MACROD2: variants seen among roughly 807,000 people sequenced by gnomAD.
MACROD2 encodes mono-ADP ribosylhydrolase 2.
Under a neutral mutation model 70.4 loss-of-function variants are expected in MACROD2, and 36 were observed. That is an observed-to-expected ratio of 0.51 (90% CI 0.39 to 0.68). The LOEUF is 0.68. Among genes scored for constraint, MACROD2 ranks in the 30% least tolerant of loss-of-function variants. MACROD2 has a pLI of 0.00. For synonymous variants in MACROD2, 172 were observed against 178.8 expected (o/e 0.96, Z 0.30); for missense variants, 496 against 538.4 (o/e 0.92, Z 0.78).
intron 5 of MACROD2, among the ~76,000 whole-genome samples, chr20:14,966,360 G>A (rs931420049): frequency 7.2e-5 from 11 of 152,172 alleles, no homozygotes; most frequent in Admixed American, 5.2e-4. Context: ...GGGAGCGTTT[G>A]AGCCCAGGAG....
chr20:14,532,761 T>C (rs1452740204), intron 4 of MACROD2, among the ~76,000 whole-genome samples: 1 of 152,234 alleles, frequency 6.6e-6, no homozygotes, highest in Non-Finnish European at 1.5e-5. Context: ...TCTGCTTTAA[T>C]TTACTACATA....
chr20:15,479,718 C>T (rs1481764383), intron 7 of MACROD2, among the ~76,000 whole-genome samples: 2 of 152,142 alleles, frequency 1.3e-5, no homozygotes, highest in Admixed American at 1.3e-4. Context: ...AACATATTTA[C>T]GATAAAGGCT....
chr20:15,067,625 C>T (rs1391305486), intron 5 of MACROD2, among the ~76,000 whole-genome samples: 1 of 152,150 alleles, frequency 6.6e-6, no homozygotes, highest in Non-Finnish European at 1.5e-5. Flanking sequence ...GCTGGGATTA[C>T]AGGTGTGAGC....
In MACROD2 at chr20:14,427,781, G is replaced by A. The variant is rs926575770; in HGVS notation, c.272-65698G>A. ...TGCTCCATGTCAAATGGCAGAGCTGGAAGTGCTCAGTTAAACCCTGATTCC... is the reference window on the plus strand; with the variant it reads ...TGCTCCATGTCAAATGGCAGAGCTGAAAGTGCTCAGTTAAACCCTGATTCC... On this transcript the variant is annotated intron_variant, in intron 3 of 17. Transcript: ENST00000684519. Among the ~76,000 whole-genome samples, 13 of 152,220 alleles carry A rather than the reference G, an allele frequency of 8.5e-5. No homozygotes were observed. The South Asian group carries it at 1.9e-3, about 22-fold the overall frequency.
rs574823355 is a variant in MACROD2, at chr20:15,834,110, A to G, written c.646-28635A>G. Among the ~76,000 whole-genome samples, 8 of 152,318 alleles carry G rather than the reference A, an allele frequency of 5.3e-5. No homozygotes were observed. The South Asian group carries it at 1.7e-3, about 32-fold the overall frequency. ...ACACAGAAACTTACCTGTGTCCTGT[A>G]AAGTTAAATTAGATTTTGCCTTCAC... On this transcript the variant is annotated intron_variant, in intron 8 of 17. Transcript: ENST00000684519.
intron 3 of MACROD2, among the ~76,000 whole-genome samples, chr20:14,489,886 A>T (rs1239768090): frequency 1.3e-5 from 2 of 150,536 alleles, no homozygotes; most frequent in East Asian, 3.9e-4. Flanking sequence ...TAAAAGACAG[A>T]GTCTTGCTCT....
intron 12 of MACROD2, among the ~76,000 whole-genome samples, chr20:15,959,154 T>C (rs1466619392): frequency 6.6e-6 from 1 of 152,254 alleles, no homozygotes; most frequent in East Asian, 1.9e-4. Context: ...AATTTAATCT[T>C]AAGTATTCTT....
At position 14,172,095 on chromosome 20, in the gene MACROD2, C is replaced by G. The variant is rs140379590; in HGVS notation, c.271+86367C>G. ...TCTTTTATCATTATATAATTTTCCT[C>G]TTTGTCTTTTTAAACTGCTGTTGCT... On this transcript the variant is annotated intron_variant, in intron 3 of 17. Coordinates refer to ENST00000684519, the MANE Select transcript of MACROD2 (RefSeq NM_001351661.2). 4.6e-3 allele frequency among the ~76,000 whole-genome samples: 699 copies of G among 152,176 alleles called. 7 individuals carry two copies. Among genetic ancestry groups the G allele is most frequent in the African/African-American group, 0.016 (660 of 41,536 alleles).
intron 6 of MACROD2, among the ~76,000 whole-genome samples, chr20:15,352,027 G>A (rs931133518): frequency 6.6e-6 from 1 of 152,186 alleles, no homozygotes; most frequent in African/African-American, 2.4e-5. Context: ...GTTAGTTGGT[G>A]TTGGGTGCTT....
chr20:15,637,676 A>G (rs1020551971), intron 8 of MACROD2, among the ~76,000 whole-genome samples: 1 of 152,218 alleles, frequency 6.6e-6, no homozygotes, highest in Non-Finnish European at 1.5e-5. Context: ...CCCAGGTCCA[A>G]TTAGGGATCA....
chr20:15,781,968 A>C (rs907691839), intron 8 of MACROD2, among the ~76,000 whole-genome samples: 1 of 152,266 alleles, frequency 6.6e-6, no homozygotes, highest in South Asian at 2.1e-4. Flanking sequence ...CTAAAGAGAT[A>C]GATTACAGAG....
intron 6 of MACROD2, among the ~76,000 whole-genome samples, chr20:15,291,552 T>C: frequency 6.6e-6 from 1 of 152,244 alleles, no homozygotes; most frequent in East Asian, 1.9e-4. Flanking sequence ...ATCTGAATTT[T>C]GCCCCATACC....
At chr20:14,636,680 T>C (rs1056011189) in intron 4 of MACROD2, among the ~76,000 whole-genome samples, 1 of 152,198 alleles carries the variant, frequency 6.6e-6, no homozygotes, top group African/African-American at 2.4e-5. Flanking sequence ...TTCTTTATAT[T>C]CTGTGAGAAT....
intron 5 of MACROD2, among the ~76,000 whole-genome samples, chr20:14,997,240 GGCA>G (rs1568918351): frequency 6.6e-6 from 1 of 152,124 alleles, no homozygotes; most frequent in African/African-American, 2.4e-5. Context: ...TAAAGCACCA[GGCA>G]GAGTCCTGAG....
intron 3 of MACROD2, among the ~76,000 whole-genome samples, chr20:14,398,642 T>C (rs1173294279): frequency 6.6e-6 from 1 of 152,196 alleles, no homozygotes; most frequent in Non-Finnish European, 1.5e-5. Context: ...TTGTTGGAGC[T>C]CCTTATATAT....
chr20:15,328,080 G>T (rs541579906), intron 6 of MACROD2, among the ~76,000 whole-genome samples: 2 of 151,990 alleles, frequency 1.3e-5, no homozygotes, highest in South Asian at 4.1e-4. Flanking sequence ...AATAATTGGG[G>T]CCAAGGTCCA....
chr20:14,936,920 A>T lies in MACROD2; in HGVS notation c.418+251961A>T, dbSNP rs183193193. 1.2e-3 allele frequency among the ~76,000 whole-genome samples: 177 copies of T among 152,328 alleles called. 3 individuals are homozygous for T. The Middle Eastern group carries it at 0.017, about 15-fold the overall frequency. ...GTTTAGATTTAACTATGCAGTTATTATGGCAATCACTAAGTTAGGAGCAGG... is the reference window on the plus strand; with the variant it reads ...GTTTAGATTTAACTATGCAGTTATTTTGGCAATCACTAAGTTAGGAGCAGG... On this transcript the variant is annotated intron_variant, in intron 5 of 17. Transcript: ENST00000684519.
At chr20:14,454,616 T>C (rs1342859619) in intron 3 of MACROD2, among the ~76,000 whole-genome samples, 1 of 151,862 alleles carries the variant, frequency 6.6e-6, no homozygotes, top group Admixed American at 6.6e-5. Context: ...CTTTGTTCTA[T>C]CATCTTTTAT....
At chr20:15,588,662 A>G (rs1025976386) in intron 8 of MACROD2, among the ~76,000 whole-genome samples, 3 of 152,144 alleles carry the variant, frequency 2.0e-5, no homozygotes, top group Admixed American at 6.5e-5. Context: ...AAGTACCACA[A>G]ATTTCTAGGG....
Sources: allele counts gnomAD v4.1 joint callset (sites outside exome capture counted in the v4.1 genomes callset), GRCh38; gene constraint gnomAD v4.1.1; transcripts MANE v1.5; gene names NCBI Gene and HGNC (gene_info 2026-07-23, HGNC 2026-07-21).